The following FRA10AC1 variants were observed in gnomAD, a reference collection of about 807,000 sequenced individuals.
FRA10AC1 encodes protein FRA10AC1.
A neutral mutation model predicts 56.5 loss-of-function variants in FRA10AC1; 43 were observed. The observed-to-expected ratio is 0.76, with a 90% CI of 0.60 to 0.98. The LOEUF is 0.98. FRA10AC1 is among the 50% of genes least tolerant of loss of function. FRA10AC1 has a pLI of 0.00. For synonymous variants in FRA10AC1, 112 were observed against 110.5 expected, an observed-to-expected ratio of 1.01 and a Z score of -0.09; for missense variants, 346 against 351.8, an observed-to-expected ratio of 0.98 and a Z score of 0.13.
At chr10:93,675,342 T>C (rs2058824301) in intron 12 of FRA10AC1, 1 of 152,188 alleles carries the variant, frequency 6.6e-6, no homozygotes, top group Non-Finnish European at 1.5e-5. Context: ...ATCAAACTTT[T>C]TTCCCTGAGT....
intron 4 of FRA10AC1, among the ~76,000 whole-genome samples, chr10:93,696,022 G>A (rs2059228335): frequency 6.6e-6 from 1 of 152,210 alleles, no homozygotes; most frequent in African/African-American, 2.4e-5. Context: ...ACAAGAACAG[G>A]TGGTGGGTGT....
At chr10:93,690,743 G>A (rs1049219101) in intron 7 of FRA10AC1, among the ~76,000 whole-genome samples, 1 of 152,188 alleles carries the variant, frequency 6.6e-6, no homozygotes, top group Non-Finnish European at 1.5e-5. Flanking sequence ...GTAACTTTAA[G>A]TAACTCCAAT....
rs557077629 is a variant in FRA10AC1, at chr10:93,669,681, C to G, written c.*145G>C. 6 of 626,592 alleles carry G rather than the reference C, an allele frequency of 9.6e-6. No homozygotes were observed. Among genetic ancestry groups the G allele is most frequent in the East Asian group, 8.7e-5 (3 of 34,348 alleles). The allele number at this position is 626,592 out of a possible 1,614,324, so 38.8% of individuals were successfully genotyped here. ...ATGAACTTCCAAAGCCTCTGACATT[C>G]TGAGAGAACCTGGATTTTTATTTCC... is the stretch of plus-strand genomic sequence containing the variant. On this transcript the variant is annotated 3_prime_UTR_variant, in exon 14 of 14. Transcript: ENST00000359204.
At chr10:93,690,173 C>T (rs1176231671) in intron 7 of FRA10AC1, among the ~76,000 whole-genome samples, 3 of 151,994 alleles carry the variant, frequency 2.0e-5, no homozygotes, top group Non-Finnish European at 4.4e-5. Context: ...GTGAGGGAAC[C>T]AAAGGCATTA....
intron 10 of FRA10AC1, among the ~76,000 whole-genome samples, chr10:93,682,572 AG>A (rs2058954186): frequency 1.3e-5 from 2 of 152,180 alleles, no homozygotes; most frequent in South Asian, 4.1e-4. Context: ...CGGCTGAGGC[AG>A]GAGGACTGCT....
chr10:93,698,277 A>C (rs760856532), intron 3 of FRA10AC1, 24 bp downstream of exon 3: 26 of 1,548,802 alleles, frequency 1.7e-5, no homozygotes, highest in Non-Finnish European at 2.1e-5. Context: ...ACCAAGAAAT[A>C]GAATTGACAC....
At position 93,698,468 on chromosome 10, in the gene FRA10AC1, A is replaced by G. The variant is rs1387877069; in HGVS notation, c.78-72T>C. 5.0e-6 allele frequency: 4 copies of G among 797,294 alleles called. No individual in the cohort carries two copies. The Admixed American group carries it at 6.7e-5, about 13-fold the overall frequency. 49.4% of individuals were successfully genotyped at this position (797,294 alleles called of 1,614,324 possible). A position where few individuals can be genotyped will look rare whatever the true frequency, so the allele number is the denominator to read the frequency against. Reference sequence around the variant, plus strand: ...TTTTCTAATTCTTTATATTTTCATAACTGGAATATACTTTAAAGAATGTAA... The same window carrying G: ...TTTTCTAATTCTTTATATTTTCATAGCTGGAATATACTTTAAAGAATGTAA... On this transcript the variant is annotated intron_variant, in intron 2 of 13. Transcript: ENST00000359204.
chr10:93,671,041 T>C, intron 12 of FRA10AC1, 193 bp from the exon 13 acceptor site: 1 of 482,108 alleles, frequency 2.1e-6, no homozygotes, highest in Non-Finnish European at 3.7e-6. Context: ...TACCAAAGAA[T>C]CTCAGCAAAA....
intron 7 of FRA10AC1, among the ~76,000 whole-genome samples, chr10:93,690,196 C>T (rs1236519828): frequency 6.6e-6 from 1 of 152,102 alleles, no homozygotes; most frequent in Non-Finnish European, 1.5e-5. Flanking sequence ...CTTTCTCCAA[C>T]ACCTCAAACA....
chr10:93,667,912 A>G lies in FRA10AC1; in HGVS notation c.*1914T>C, dbSNP rs2058706317. 1 of 152,214 alleles carries G rather than the reference A, an allele frequency of 6.6e-6. No homozygotes were observed. The highest frequency in any genetic ancestry group is 6.5e-5 in the Admixed American group (1 of 15,272). The allele number at this position is 152,214 out of a possible 1,614,324, so 9.4% of individuals were successfully genotyped here. ...GTGAAAAAAAACAATTTATTCAAGA[A>G]GTGAGGGGACTATCAAACAATGTTA... On this transcript the variant is annotated 3_prime_UTR_variant, in exon 14 of 14. Transcript: ENST00000359204.
chr10:93,684,793 C>T (rs1374532788), intron 9 of FRA10AC1, among the ~76,000 whole-genome samples: 2 of 152,068 alleles, frequency 1.3e-5, no homozygotes, highest in Non-Finnish European at 2.9e-5. Context: ...GTATTTATTC[C>T]CTATGGTTTT....
At chr10:93,673,712 A>G (rs1338050600) in intron 12 of FRA10AC1, 9 of 411,608 alleles carry the variant, frequency 2.2e-5, no homozygotes, top group Middle Eastern at 3.5e-4. Flanking sequence ...GATAACAATG[A>G]TAGCTACAGG....
In FRA10AC1 at chr10:93,669,689, A is replaced by C; in HGVS notation, c.*137T>G. ...CCAAAGCCTCTGACATTCTGAGAGA[A>C]CCTGGATTTTTATTTCCAAAGACAA... On this transcript the variant is annotated 3_prime_UTR_variant, in exon 14 of 14. Transcript: ENST00000359204. 1 of 643,632 alleles carries C rather than the reference A, an allele frequency of 1.6e-6. No homozygotes were observed. The highest frequency in any genetic ancestry group is 2.7e-6 in the Non-Finnish European group (1 of 363,710). 39.9% of individuals were successfully genotyped at this position (643,632 alleles called of 1,614,324 possible).
chr10:93,674,495 TG>T (rs1419725140), intron 12 of FRA10AC1: 1 of 152,172 alleles, frequency 6.6e-6, no homozygotes, highest in African/African-American at 2.4e-5. Flanking sequence ...ATGCTTGCTA[TG>T]GTAAATAGCG....
intron 5 of FRA10AC1, among the ~76,000 whole-genome samples, chr10:93,693,951 G>C (rs2133934889): frequency 6.6e-6 from 1 of 151,914 alleles, no homozygotes; most frequent in Non-Finnish European, 1.5e-5. Context: ...GGAGGTGAGG[G>C]ATAAAAGACT....
At chr10:93,697,629 T>C (rs569756185) in intron 4 of FRA10AC1, among the ~76,000 whole-genome samples, 34 of 152,322 alleles carry the variant, frequency 2.2e-4, no homozygotes, top group African/African-American at 7.7e-4. Flanking sequence ...ATCTTAAAGA[T>C]AGCTTTAAGT....
chr10:93,692,691 T>G lies in FRA10AC1; in HGVS notation c.335A>C (p.Asn112Thr). 2 of 1,596,794 alleles carry G rather than the reference T, an allele frequency of 1.3e-6. No homozygotes were observed. Among genetic ancestry groups the G allele is most frequent in the Non-Finnish European group, 1.7e-6 (2 of 1,173,252 alleles). The change falls in exon 6 of 14, where the codon AAT becomes ACT. Residue 112 changes from asparagine to threonine, a missense_variant. Asn to Thr is a moderately conservative substitution (Grantham distance 65). Coordinates refer to ENST00000359204, the MANE Select transcript of FRA10AC1 (RefSeq NM_145246.5). ...DKTDLDVIRE[N>T]HRFLWNEEDE... ...CTCCTCATTCCATAGGAATCTATGA[T>G]TTTCTCGTATAACATCCAAGTCTGT...
chr10:93,688,629 T>C (rs2059071855), intron 7 of FRA10AC1, among the ~76,000 whole-genome samples: 1 of 152,134 alleles, frequency 6.6e-6, no homozygotes, highest in African/African-American at 2.4e-5. Context: ...AATTCTGTGC[T>C]TTCTGCTCAA....
At chr10:93,670,187 C>CT (rs779597723) in intron 13 of FRA10AC1, among the ~76,000 whole-genome samples, 4 of 151,980 alleles carry the variant, frequency 2.6e-5, no homozygotes, top group Non-Finnish European at 5.9e-5. Context: ...TATAACTTCT[C>CT]TGTTCATTCT....
Sources: allele counts gnomAD v4.1 joint callset (sites outside exome capture counted in the v4.1 genomes callset), GRCh38; gene constraint gnomAD v4.1.1; transcripts MANE v1.5; gene names NCBI Gene and HGNC (gene_info 2026-07-23, HGNC 2026-07-21).